Variants in HSPG2 observed in about 807,000 individuals in gnomAD.
HSPG2 encodes heparan sulfate proteoglycan 2.
HSPG2 carries 278 observed loss-of-function variants against 526.6 expected under a neutral mutation model. That is an observed-to-expected ratio of 0.53 (90% confidence interval 0.48 to 0.58). The LOEUF (loss-of-function observed/expected upper bound fraction) is 0.58, where lower values mean the gene tolerates loss of function less well. Ranked by LOEUF, HSPG2 falls within the 20% of genes least tolerant of loss-of-function variation. The probability of loss-of-function intolerance (pLI) is 0.00; values close to 1 mark genes in which losing one functional copy is unlikely to be tolerated. For synonymous variants in HSPG2, 2,465 were observed against 2,555.4 expected (o/e 0.96, Z 1.07); for missense variants, 5,354 against 6,099.5 (o/e 0.88, Z 4.07).
intron 37 of HSPG2, 118 bp downstream of exon 37, chr1:21,863,982 C>T: frequency 1.2e-6 from 1 of 836,440 alleles, no homozygotes; most frequent in Non-Finnish European, 2.0e-6. Flanking sequence ...GTGCTTTGAA[C>T]CACAGGCCAT....
chr1:21,834,570 G>T, intron 77 of HSPG2, 109 bp downstream of exon 77: 1 of 1,325,870 alleles, frequency 7.5e-7, no homozygotes, highest in Non-Finnish European at 1.1e-6. Flanking sequence ...AATGGAAAAT[G>T]TCCCAAGTGA....
chr1:21,925,614 G>A (rs540089267), intron 1 of HSPG2, among the ~76,000 whole-genome samples: 1 of 152,094 alleles, frequency 6.6e-6, no homozygotes, highest in East Asian at 1.9e-4. Flanking sequence ...GAAGCCAAAG[G>A]GTAAAAAGAC....
In HSPG2 at chr1:21,860,612, C is replaced by A. The variant is rs185000908; in HGVS notation, c.4956-377G>T. Among the ~76,000 whole-genome samples the A allele has an allele frequency of 1.2e-4, 18 of 152,254 alleles. No individual in the cohort carries two copies. The East Asian group carries it at 3.3e-3, about 28-fold the overall frequency. On this transcript the variant is annotated intron_variant, in intron 39 of 96. Transcript: ENST00000374695. ...GTTCACACCATTCTCCTGCCTCAGC[C>A]TCCCAATTAGCTGGGACTGCAGGGG...
rs1299967156 is a variant in HSPG2, at chr1:21,908,297, T to C, written c.64-11987A>G. ...GGCAAAACTGGAAGAGTCTACAATG[T>C]TATCCAGTATGCTGCTAGCATTGTT... On this transcript the variant is annotated intron_variant, in intron 1 of 96. Transcript: ENST00000374695. The C allele has an allele frequency of 6.9e-6, 7 of 1,011,234 alleles. No homozygotes were observed. In the South Asian group the frequency reaches 8.8e-5, roughly 13 times the overall value. 62.6% of individuals were successfully genotyped at this position (1,011,234 alleles called of 1,614,324 possible).
intron 37 of HSPG2, among the ~76,000 whole-genome samples, chr1:21,863,051 A>G: frequency 1.0e-5 from 1 of 95,670 alleles, no homozygotes; most frequent in Non-Finnish European, 2.0e-5. Flanking sequence ...CAAAAGCGAG[A>G]CTCCATCTCA....
intron 1 of HSPG2, among the ~76,000 whole-genome samples, chr1:21,925,800 A>G (rs1457908557): frequency 6.6e-6 from 1 of 152,080 alleles, no homozygotes; most frequent in Admixed American, 6.5e-5. Context: ...GAGTCTGACA[A>G]CCTGGGCTCC....
At position 21,878,416 on chromosome 1, in the gene HSPG2, G is replaced by A. The variant is rs1304074082; in HGVS notation, c.2617+17C>T. ...GTTGGGAGGTGGGTGTCAGGGGATG[G>A]TGGCAGCCATACTCACTGACGGGCC... On this transcript the variant is annotated intron_variant, in intron 20 of 96. Coordinates refer to ENST00000374695, the MANE Select transcript of HSPG2 (RefSeq NM_005529.7). 1.9e-6 allele frequency: 3 copies of A among 1,597,326 alleles called. No individual in the cohort carries two copies. Among genetic ancestry groups the A allele is most frequent in the Middle Eastern group, 1.7e-4 (1 of 6,024 alleles).
chr1:21,880,498 T>A lies in HSPG2; in HGVS notation c.2060A>T (p.Gln687Leu), dbSNP rs745748983. 6.2e-7 allele frequency: 1 copy of A among 1,613,724 alleles called. No homozygotes were observed. The highest frequency in any genetic ancestry group is 8.5e-7 in the Non-Finnish European group (1 of 1,180,002). Reference sequence around the variant, plus strand: ...CTGGATGAGCACGGCCTCCAGGCTCTGCAGCACCTGCAGCAGCTCCGCGCG... The same window carrying A: ...CTGGATGAGCACGGCCTCCAGGCTCAGCAGCACCTGCAGCAGCTCCGCGCG... Reference protein sequence around the residue: ...VQRAELLQVLQSLEAVLIQTV... With the variant: ...VQRAELLQVLLSLEAVLIQTV... The change falls in exon 16 of 97, where the codon CAG (glutamine) becomes CTG (leucine). Residue 687 changes from glutamine to leucine, a missense_variant. Transcript: ENST00000374695.
Position 21,848,696 on chromosome 1 carries a change from G to A in HSPG2, c.7684C>T (p.Pro2562Ser), listed in dbSNP as rs755215244. The A allele has an allele frequency of 9.9e-6, 16 of 1,613,880 alleles. No homozygotes were observed. The highest frequency in any genetic ancestry group is 7.7e-5 in the South Asian group (7 of 91,068). The change falls in exon 59 of 97, where the codon CCC becomes TCC. Residue 2562 changes from proline (P) to serine (S), a missense_variant. Physicochemically the swap from Pro to Ser is moderately conservative, Grantham distance 74. Transcript: ENST00000374695. This position sits in a 1 kb window ranked among gnomAD's most constrained non-coding sequence, Gnocchi z 4.9. ...CGCTTATACCAGGTGATGGTGTGGG[G>A]AGCCTGGCTGGCAACCAGGCAGTTG... ...DLNCLVASQA[P>S]HTITWYKRGG...
intron 1 of HSPG2, among the ~76,000 whole-genome samples, chr1:21,909,786 G>A (rs992400329): frequency 6.6e-6 from 1 of 152,244 alleles, no homozygotes; most frequent in East Asian, 1.9e-4. Context: ...AAAATAGCTA[G>A]AGCAGGAGAG....
chr1:21,873,972 G>A lies in HSPG2; in HGVS notation c.3696C>T (p.Pro1232=). 1 of 1,606,922 alleles carries A rather than the reference G, an allele frequency of 6.2e-7. No individual in the cohort carries two copies. The highest frequency in any genetic ancestry group is 8.5e-7 in the Non-Finnish European group (1 of 1,176,596). ...GGCCTGGGGAGCACGCATCACAGGTGGGGTGGCCGTCTGTGTCCAGAAAAC... is the reference window on the plus strand; with the variant it reads ...GGCCTGGGGAGCACGCATCACAGGTAGGGTGGCCGTCTGTGTCCAGAAAAC... ...HTCFLDTDGH[P]TCDACSPGHS... Residue 1232 remains proline, a synonymous_variant, in exon 29 of 97, where the codon CCC becomes CCT. Transcript: ENST00000374695.
chr1:21,914,557 C>T (rs1356231780), intron 1 of HSPG2, among the ~76,000 whole-genome samples: 1 of 152,172 alleles, frequency 6.6e-6, no homozygotes, highest in Admixed American at 6.5e-5. Context: ...GGCTTCACAA[C>T]TCCCATGGGG....
chr1:21,890,996 G>C lies in HSPG2; in HGVS notation c.245-302C>G, dbSNP rs925033640. ...TCAGAGGAAGGCTGGACAAGAAGGG[G>C]TGGCTCCCAGAGGGAGTTGGCCTGG... On this transcript the variant is annotated intron_variant, in intron 3 of 96. Transcript: ENST00000374695. The surrounding 1 kb of genome is among the most constrained non-coding windows in gnomAD (Gnocchi z 4.1). Among the ~76,000 whole-genome samples, 2 of 152,250 alleles carry C rather than the reference G, an allele frequency of 1.3e-5. No homozygotes were observed. Among genetic ancestry groups the C allele is most frequent in the African/African-American group, 4.8e-5 (2 of 41,464 alleles).
rs2098015035 is a variant in HSPG2 at position 21,833,813 on chromosome 1, T to C, written c.10830+3A>G. 7 of 1,586,310 alleles carry C rather than the reference T, an allele frequency of 4.4e-6. No individual in the cohort carries two copies. The highest frequency in any genetic ancestry group is 1.8e-5 in the Admixed American group (1 of 56,324). On this transcript the variant is annotated splice_donor_region_variant and intron_variant, in intron 78 of 96. Coordinates refer to ENST00000374695, the MANE Select transcript of HSPG2 (RefSeq NM_005529.7). ...GCCCGCTGGTTCCCTCTCCAGCACT[T>C]ACCTTGCTCCAGCTGATGTCAGGAG...
intron 3 of HSPG2, among the ~76,000 whole-genome samples, chr1:21,892,332 C>T (rs2152768490): frequency 6.6e-6 from 1 of 152,384 alleles, no homozygotes; most frequent in Non-Finnish European, 1.5e-5. Context: ...TGGCCTCAGC[C>T]CCACGGCCCA....
intron 39 of HSPG2, among the ~76,000 whole-genome samples, chr1:21,861,150 G>A (rs577175934): frequency 9.8e-5 from 15 of 152,308 alleles, no homozygotes; most frequent in Non-Finnish European, 1.9e-4. Flanking sequence ...GGCAGACTCC[G>A]TAAGGGCTGG....
In HSPG2 at chr1:21,847,548, C is replaced by T; in HGVS notation, c.8026-56G>A. On this transcript the variant is annotated intron_variant, in intron 61 of 96. Transcript: ENST00000374695. The surrounding 1 kb of genome is among the most constrained non-coding windows in gnomAD (Gnocchi z 4.1). ...AGGGAGTGGAGGGACGCTGGGGTCA[C>T]CAGCTGGCTCAGGCCTTCCTGCTCA... 1 of 1,611,004 alleles carries T rather than the reference C, an allele frequency of 6.2e-7. No individual in the cohort carries two copies. The highest frequency in any genetic ancestry group is 8.5e-7 in the Non-Finnish European group (1 of 1,178,286).
intron 25 of HSPG2, among the ~76,000 whole-genome samples, chr1:21,875,387 C>A (rs7354994): frequency 3.1e-4 from 47 of 152,108 alleles, no homozygotes; most frequent in African/African-American, 6.5e-4. Context: ...GCCCCTCCCC[C>A]CTCCTGCGTC....
chr1:21,856,027 G>T, intron 44 of HSPG2, 115 bp from the exon 45 acceptor site: 1 of 1,399,618 alleles, frequency 7.1e-7, no homozygotes. Context: ...GGCCATCTGT[G>T]CACACAGGAG....
Sources: allele counts gnomAD v4.1 joint callset (sites outside exome capture counted in the v4.1 genomes callset), GRCh38; gene constraint gnomAD v4.1.1; non-coding constraint Gnocchi (gnomAD v3.1); transcripts MANE v1.5; gene names NCBI Gene and HGNC (gene_info 2026-07-23, HGNC 2026-07-21).